Variants in MSANTD3 observed in about 807,000 individuals in gnomAD.
The protein encoded by MSANTD3 is Myb/SANT DNA binding domain containing 3.
Under a neutral mutation model 27.7 loss-of-function variants are expected in MSANTD3, and 11 were observed. The ratio of observed to expected loss-of-function variants is 0.40; its 90% CI spans 0.25 to 0.66. The LOEUF is 0.66. Ranked by LOEUF, MSANTD3 falls within the 30% of genes least tolerant of loss-of-function variation. The pLI, the probability that MSANTD3 is intolerant of heterozygous loss-of-function variation, is 0.41. For missense variants in MSANTD3, 250 were observed against 336.5 expected, an observed-to-expected ratio of 0.74 and a Z score of 2.01; for synonymous variants, 131 against 127.2, an observed-to-expected ratio of 1.03 and a Z score of -0.20.
In MSANTD3 at chr9:100,451,648, A is replaced by G. The variant is rs1836891796; in HGVS notation, c.*682A>G. ...AATAGTAGTTTTGTTGGAGCTAAGG[A>G]TGTAACTACTTTGAGGAAGAAATGT... On this transcript the variant is annotated 3_prime_UTR_variant, in exon 3 of 3. Transcript: ENST00000395067. The G allele has an allele frequency of 6.6e-6, 1 of 150,846 alleles. No homozygotes were observed. The highest frequency in any genetic ancestry group is 1.9e-4 in the East Asian group (1 of 5,132). The allele number at this position is 150,846 out of a possible 1,614,324, so 9.3% of individuals were successfully genotyped here. A position where few individuals can be genotyped will look rare whatever the true frequency, so the allele number is the denominator to read the frequency against.
At position 100,439,014 on chromosome 9, in the gene MSANTD3, G is replaced by A. The variant is rs567842772; in HGVS notation, c.-33-2892G>A. ...GCCAAACCACCTTTGACATGTGTCC[G>A]AACCTCCCAGTGTCTGATACCTGAT... On this transcript the variant is annotated intron_variant, in intron 1 of 2. Transcript: ENST00000395067. Among the ~76,000 whole-genome samples the A allele has an allele frequency of 3.9e-5, 6 of 152,236 alleles. No individual in the cohort carries two copies. The South Asian group carries it at 8.3e-4, about 21-fold the overall frequency.
chr9:100,442,635 C>T (rs1213170203), intron 2 of MSANTD3, among the ~76,000 whole-genome samples: 2 of 151,568 alleles, frequency 1.3e-5, no homozygotes, highest in Admixed American at 6.6e-5. Context: ...AGTGAGACCC[C>T]TGTTTCTACA....
At chr9:100,438,552 A>G (rs1836531770) in intron 1 of MSANTD3, among the ~76,000 whole-genome samples, 1 of 152,168 alleles carries the variant, frequency 6.6e-6, no homozygotes, top group Non-Finnish European at 1.5e-5. Context: ...TACAGCAGCA[A>G]TTCTTAGAAG....
At chr9:100,430,108 A>T (rs1158657324) in intron 1 of MSANTD3, among the ~76,000 whole-genome samples, 4 of 151,956 alleles carry the variant, frequency 2.6e-5, no homozygotes, top group Non-Finnish European at 4.4e-5. Flanking sequence ...AAAAAAAAAA[A>T]AAAAAATCTA....
chr9:100,448,402 G>A, intron 2 of MSANTD3: 2 of 985,208 alleles, frequency 2.0e-6, no homozygotes, highest in Non-Finnish European at 2.4e-6. Context: ...AAACTAGAAA[G>A]GAAACAGGTG....
At chr9:100,429,474 A>T (rs1295976745) in intron 1 of MSANTD3, 1 of 152,234 alleles carries the variant, frequency 6.6e-6, no homozygotes, top group Non-Finnish European at 1.5e-5. Context: ...CTGGGGATAC[A>T]GCGATGAGTC....
chr9:100,448,298 C>G (rs1836806223), intron 2 of MSANTD3: 1 of 983,646 alleles, frequency 1.0e-6, no homozygotes, highest in Admixed American at 6.2e-5. Flanking sequence ...GTATCCAGAA[C>G]TATCCCCTGG....
intron 2 of MSANTD3, chr9:100,449,223 G>A: frequency 1.0e-6 from 1 of 985,398 alleles, no homozygotes; most frequent in Non-Finnish European, 1.2e-6. Flanking sequence ...AATTGACACT[G>A]ATGTTACTGC....
At position 100,443,042 on chromosome 9, in the gene MSANTD3, A is replaced by C. The variant is rs79461576; in HGVS notation, c.418+686A>C. Among the ~76,000 whole-genome samples the C allele has an allele frequency of 6.6e-3, 999 of 152,194 alleles. 10 individuals carry two copies. Among genetic ancestry groups the C allele is most frequent in the African/African-American group, 0.023 (961 of 41,536 alleles). ...CCACTCAATTTCACTTTTTTCAAAAAATATTTTTGGAGGTCCTTATTATTT... is the reference window on the plus strand; with the variant it reads ...CCACTCAATTTCACTTTTTTCAAAACATATTTTTGGAGGTCCTTATTATTT... On this transcript the variant is annotated intron_variant, in intron 2 of 2. Transcript: ENST00000395067.
At chr9:100,428,962 A>G (rs1836303010) in intron 1 of MSANTD3, among the ~76,000 whole-genome samples, 1 of 152,186 alleles carries the variant, frequency 6.6e-6, no homozygotes, top group Non-Finnish European at 1.5e-5. Context: ...CTGTGGGGAA[A>G]GGCAGGAGAA....
At chr9:100,445,370 T>C in intron 2 of MSANTD3, 2 of 593,088 alleles carry the variant, frequency 3.4e-6, no homozygotes, top group Non-Finnish European at 6.0e-6. Context: ...ATGAGGCTCA[T>C]AGGCACTTGA....
At chr9:100,440,119 T>C (rs1836572839) in intron 1 of MSANTD3, among the ~76,000 whole-genome samples, 1 of 152,182 alleles carries the variant, frequency 6.6e-6, no homozygotes, top group Non-Finnish European at 1.5e-5. Flanking sequence ...TACACTTCAC[T>C]GGAAGAAGAC....
chr9:100,435,127 G>A (rs1480413043), intron 1 of MSANTD3, among the ~76,000 whole-genome samples: 3 of 152,234 alleles, frequency 2.0e-5, no homozygotes, highest in Admixed American at 1.3e-4. Context: ...CAGAGGGAAT[G>A]AGGCAGGGCC....
chr9:100,427,417 G>A (rs1294706168), intron 1 of MSANTD3, 24 bp downstream of exon 1: 1 of 148,392 alleles, frequency 6.7e-6, no homozygotes, highest in Non-Finnish European at 1.5e-5. Context: ...CTTCCGGGCG[G>A]GCCGCAGCCG....
intron 1 of MSANTD3, among the ~76,000 whole-genome samples, chr9:100,441,678 A>C (rs1836626505): frequency 6.6e-6 from 1 of 152,174 alleles, no homozygotes; most frequent in African/African-American, 2.4e-5. Flanking sequence ...TTGCTGTTAT[A>C]TACCAGATAG....
chr9:100,427,898 C>A (rs539589366), intron 1 of MSANTD3, among the ~76,000 whole-genome samples: 1 of 152,134 alleles, frequency 6.6e-6, no homozygotes, highest in South Asian at 2.1e-4. Flanking sequence ...TGGGAAAGCT[C>A]CTTTACTCCG....
rs568838599 is a variant in MSANTD3 at position 100,431,731 on chromosome 9, A to G, written c.-34+4338A>G. 8.5e-5 allele frequency among the ~76,000 whole-genome samples: 13 copies of G among 152,324 alleles called. No individual in the cohort carries two copies. In the South Asian group the frequency reaches 2.7e-3, roughly 32 times the overall value. Reference sequence around the variant, plus strand: ...TAGGGAGAGCCTTCAGGATATGGATAGATCTCAGTGCAGAGTAATTCTGAG... The same window carrying G: ...TAGGGAGAGCCTTCAGGATATGGATGGATCTCAGTGCAGAGTAATTCTGAG... On this transcript the variant is annotated intron_variant, in intron 1 of 2. Transcript: ENST00000395067.
chr9:100,432,159 C>G (rs1398525719), intron 1 of MSANTD3, among the ~76,000 whole-genome samples: 1 of 152,108 alleles, frequency 6.6e-6, no homozygotes, highest in Non-Finnish European at 1.5e-5. Context: ...TAAACACTTC[C>G]AAGTTACATG....
intron 2 of MSANTD3, chr9:100,445,095 A>G (rs1028648123): frequency 3.8e-5 from 32 of 836,696 alleles, no homozygotes; most frequent in Non-Finnish European, 3.4e-5. Flanking sequence ...TGTTAATACT[A>G]GTAGGTAGGG....
Sources: gnomAD v4.1 joint callset for allele counts (sites outside exome capture counted in the v4.1 genomes callset) on GRCh38, gnomAD v4.1.1 for gene constraint, MANE v1.5 for transcripts, NCBI Gene and HGNC (gene_info 2026-07-23, HGNC 2026-07-21) for gene names.